Variants in DCDC2 observed in about 807,000 individuals in gnomAD.
DCDC2 encodes doublecortin domain-containing protein 2.
Under a neutral mutation model 50.2 loss-of-function variants are expected in DCDC2, and 40 were observed. The ratio of observed to expected loss-of-function variants is 0.80; its 90% CI spans 0.62 to 1.04. The LOEUF is 1.04. Among genes scored for constraint, DCDC2 ranks in the 50% least tolerant of loss-of-function variants. The pLI is 0.00. For missense variants in DCDC2, 570 were observed against 581.9 expected (o/e 0.98, Z 0.21); for synonymous variants, 234 against 210.6 (o/e 1.11, Z -0.96).
the DCDC2 span, among the ~76,000 whole-genome samples, chr6:24,375,921 C>A: frequency 1.3e-5 from 2 of 152,008 alleles, no homozygotes; most frequent in Non-Finnish European, 2.9e-5. Flanking sequence ...TAGCTGGAGT[C>A]TCAGCTGTAT....
chr6:24,373,298 T>C, the DCDC2 span, among the ~76,000 whole-genome samples: 1 of 152,194 alleles, frequency 6.6e-6, no homozygotes, highest in African/African-American at 2.4e-5. Context: ...ACAATGTTTG[T>C]AGAAGCATTC....
intron 7 of DCDC2, among the ~76,000 whole-genome samples, chr6:24,233,487 C>T (rs1340626356): frequency 2.1e-4 from 32 of 152,062 alleles, no homozygotes; most frequent in Admixed American, 2.1e-3. Context: ...TTATAAATTG[C>T]TTAGTGTCAG....
chr6:24,348,447 T>G (rs1760307243), intron 2 of DCDC2, among the ~76,000 whole-genome samples: 1 of 152,240 alleles, frequency 6.6e-6, no homozygotes, highest in Admixed American at 6.5e-5. Context: ...TTTACAGCCC[T>G]GTGCCACCAT....
intron 2 of DCDC2, among the ~76,000 whole-genome samples, chr6:24,335,010 G>A (rs1299176680): frequency 1.3e-5 from 2 of 152,146 alleles, no homozygotes; most frequent in African/African-American, 2.4e-5. Flanking sequence ...AAATGATCAC[G>A]AGATTCCCAA....
chr6:24,351,797 C>T (rs1760376886), intron 2 of DCDC2, among the ~76,000 whole-genome samples: 1 of 152,136 alleles, frequency 6.6e-6, no homozygotes, highest in Admixed American at 6.5e-5. Context: ...TCTGTGAATG[C>T]TTCTGTTATT....
Position 24,301,600 on chromosome 6 carries a change from C to T in DCDC2, c.557+115G>A, listed in dbSNP as rs961714748. The T allele has an allele frequency of 3.5e-5, 42 of 1,193,072 alleles. No homozygotes were observed. In the African/African-American group the frequency reaches 3.5e-4, roughly 10 times the overall value. The allele number at this position is 1,193,072 out of a possible 1,614,324, so 73.9% of individuals were successfully genotyped here. On this transcript the variant is annotated intron_variant, in intron 4 of 9. Transcript: ENST00000378454. The stretch of plus-strand genomic sequence containing the variant: ...CTACAGATAAAGAAACTGAGGCATA[C>T]GGGGCCTAACTGGGGAGCCAAAATT...
chr6:24,271,832 C>A (rs1216221269), intron 7 of DCDC2, among the ~76,000 whole-genome samples: 1 of 152,146 alleles, frequency 6.6e-6, no homozygotes, highest in East Asian at 1.9e-4. Flanking sequence ...TATCAAAATA[C>A]CTATTTAAAA....
the DCDC2 span, among the ~76,000 whole-genome samples, chr6:24,368,904 C>T: frequency 1.3e-5 from 2 of 152,040 alleles, no homozygotes; most frequent in South Asian, 2.1e-4. Flanking sequence ...GAGGCTGAGG[C>T]GGGCGGATCA....
chr6:24,207,256 T>TCTCTCTCTCTCTCTCTC (rs1761735602), intron 7 of DCDC2, among the ~76,000 whole-genome samples: 3 of 129,606 alleles, frequency 2.3e-5, no homozygotes, highest in South Asian at 2.6e-4. Flanking sequence ...CCATCTATCT[T>TCTCTCTCTCTCTCTCTC]TCTCTCTCTC....
intron 7 of DCDC2, among the ~76,000 whole-genome samples, chr6:24,216,615 A>G (rs1273765707): frequency 6.6e-6 from 1 of 152,274 alleles, no homozygotes; most frequent in Non-Finnish European, 1.5e-5. Context: ...TGAGGCCATC[A>G]AGACAGTCAG....
chr6:24,210,019 G>GGTGTGTGTGTGTGTGTGTGTGTGT (rs71002475), intron 7 of DCDC2, among the ~76,000 whole-genome samples: 43 of 145,268 alleles, frequency 3.0e-4, no homozygotes, highest in African/African-American at 1.1e-3. Context: ...GCAGTATCAG[G>GGTGTGTGTGTGTGTGTGTGTGTGT]GTGTGTGTGT....
At chr6:24,359,445 G>T (rs576436625), upstream of DCDC2, among the ~76,000 whole-genome samples, 5,017 of 29,972 alleles carry the variant, frequency 0.17, 562 homozygotes, top group African/African-American at 0.32. Context: ...ATACTATATA[G>T]TATATATATT....
chr6:24,291,764 C>T (rs1344891611), intron 4 of DCDC2, among the ~76,000 whole-genome samples: 2 of 152,120 alleles, frequency 1.3e-5, no homozygotes, highest in Non-Finnish European at 2.9e-5. Context: ...GGATTACAGG[C>T]ATGAGCCACC....
chr6:24,184,191 C>T (rs868542020), intron 8 of DCDC2, among the ~76,000 whole-genome samples: 4 of 152,154 alleles, frequency 2.6e-5, no homozygotes, highest in East Asian at 3.8e-4. Context: ...CCAAACAAGT[C>T]GCTACAATAA....
chr6:24,370,013 C>A, the DCDC2 span, among the ~76,000 whole-genome samples: 1 of 151,986 alleles, frequency 6.6e-6, no homozygotes, highest in Admixed American at 6.6e-5. Flanking sequence ...CACTGCCCTG[C>A]AGCCTGAGTG....
intron 7 of DCDC2, among the ~76,000 whole-genome samples, chr6:24,264,671 A>G (rs1763080130): frequency 6.6e-6 from 1 of 152,152 alleles, no homozygotes; most frequent in African/African-American, 2.4e-5. Flanking sequence ...ACATACCACC[A>G]GAGAAAATTG....
chr6:24,284,076 G>A (rs1248472168), intron 6 of DCDC2, among the ~76,000 whole-genome samples: 1 of 152,122 alleles, frequency 6.6e-6, no homozygotes, highest in African/African-American at 2.4e-5. Context: ...GAATCTCTGG[G>A]CCCTGAAGCA....
At chr6:24,233,075 G>C (rs974247847) in intron 7 of DCDC2, among the ~76,000 whole-genome samples, 1 of 152,206 alleles carries the variant, frequency 6.6e-6, no homozygotes, top group Non-Finnish European at 1.5e-5. Context: ...CAAACTCTGT[G>C]AGGTGTCCTA....
chr6:24,255,104 T>C (rs1541191), intron 7 of DCDC2, among the ~76,000 whole-genome samples: 150,756 of 152,238 alleles, frequency 0.99, 74,662 homozygotes, highest in Middle Eastern at 1. Context: ...GGCAGTGCAG[T>C]ACAAAGATAG....
Sources: allele counts gnomAD v4.1 joint callset (sites outside exome capture counted in the v4.1 genomes callset), GRCh38; gene constraint gnomAD v4.1.1; transcripts MANE v1.5; gene names NCBI Gene and HGNC (gene_info 2026-07-23, HGNC 2026-07-21).